POLR3G: variants seen among roughly 807,000 people sequenced by gnomAD.
The protein encoded by POLR3G is RNA polymerase III subunit G, also known as DNA-directed RNA polymerase III subunit RPC7.
In POLR3G, 28 loss-of-function variants were observed where a neutral mutation model predicts 30.1. That is an observed-to-expected ratio of 0.93 (90% CI 0.69 to 1.27). The LOEUF is 1.27. POLR3G is among the 50% of genes most tolerant of loss of function. The pLI, the probability that POLR3G is intolerant of heterozygous loss-of-function variation, is 0.00. For missense variants in POLR3G, 254 were observed against 264.6 expected (o/e 0.96, Z 0.28); for synonymous variants, 79 against 82.5 (o/e 0.96, Z 0.23).
At chr5:90,504,825 C>G (rs570153323) in intron 6 of POLR3G, among the ~76,000 whole-genome samples, 43 of 152,140 alleles carry the variant, frequency 2.8e-4, no homozygotes, top group African/African-American at 1.0e-3. Context: ...TGCAAAAGAT[C>G]CATAAGCACG....
chr5:90,489,927 G>C (rs1029878737), intron 3 of POLR3G, among the ~76,000 whole-genome samples: 9 of 151,966 alleles, frequency 5.9e-5, no homozygotes, highest in Admixed American at 5.9e-4. Context: ...GCCAACATGG[G>C]AAAACCCTGT....
In POLR3G at chr5:90,507,657, G is replaced by A. The variant is rs150345515; in HGVS notation, c.585+983G>A. On this transcript the variant is annotated intron_variant, in intron 7 of 7. Transcript: ENST00000651687. ...AAGTAGTAGAAGCTTCTGATTATTT[G>A]TTAATGTTGGTAGGGTATGTCTTCC... 3.2e-3 allele frequency among the ~76,000 whole-genome samples: 493 copies of A among 152,162 alleles called. 2 individuals carry two copies. Among genetic ancestry groups the A allele is most frequent in the African/African-American group, 0.011 (472 of 41,476 alleles).
At chr5:90,488,723 A>G (rs1751573761) in intron 3 of POLR3G, among the ~76,000 whole-genome samples, 1 of 152,054 alleles carries the variant, frequency 6.6e-6, no homozygotes, top group South Asian at 2.1e-4. Context: ...TGATTATTTA[A>G]TATTTAGGTT....
At chr5:90,481,626 A>T (rs1270100606) in intron 1 of POLR3G, among the ~76,000 whole-genome samples, 1 of 152,186 alleles carries the variant, frequency 6.6e-6, no homozygotes, top group East Asian at 1.9e-4. Context: ...TTTAAGAAGC[A>T]TTGTATAGGG....
intron 1 of POLR3G, among the ~76,000 whole-genome samples, chr5:90,481,306 A>G (rs1751111890): frequency 6.6e-6 from 1 of 151,836 alleles, no homozygotes; most frequent in African/African-American, 2.4e-5. Flanking sequence ...GGAAAGAGAG[A>G]GCATCCCTTT....
chr5:90,490,000 A>G (rs974114238), intron 3 of POLR3G, among the ~76,000 whole-genome samples: 1 of 152,092 alleles, frequency 6.6e-6, no homozygotes, highest in African/African-American at 2.4e-5. Flanking sequence ...CCAGCTACTC[A>G]GGAAGCTGAA....
intron 1 of POLR3G, among the ~76,000 whole-genome samples, chr5:90,477,746 G>A (rs756759666): frequency 6.6e-6 from 1 of 152,170 alleles, no homozygotes; most frequent in Non-Finnish European, 1.5e-5. Context: ...AGAATTGGAC[G>A]AAACGCGCAA....
intron 6 of POLR3G, among the ~76,000 whole-genome samples, chr5:90,505,052 A>G (rs1752421495): frequency 6.6e-6 from 1 of 152,154 alleles, no homozygotes; most frequent in Non-Finnish European, 1.5e-5. Flanking sequence ...TATCTAATGT[A>G]GTCTCTCTGT....
intron 7 of POLR3G, among the ~76,000 whole-genome samples, chr5:90,510,855 C>T (rs1752704231): frequency 6.7e-6 from 1 of 148,464 alleles, no homozygotes; most frequent in African/African-American, 2.5e-5. Flanking sequence ...TTAAAAATCC[C>T]ACTATCCAGA....
intron 5 of POLR3G, among the ~76,000 whole-genome samples, chr5:90,501,491 T>C (rs1328185928): frequency 6.6e-6 from 1 of 152,212 alleles, no homozygotes; most frequent in Non-Finnish European, 1.5e-5. Flanking sequence ...ACACACCTGC[T>C]AAGATTCCTC....
intron 2 of POLR3G, 108 bp downstream of exon 2, chr5:90,485,792 GAAAGTAA>G (rs753954549): frequency 8.5e-6 from 6 of 705,612 alleles, no homozygotes; most frequent in Non-Finnish European, 1.2e-5. Flanking sequence ...TCAAGTATAA[GAAAGTAA>G]AGGAGAGTGT....
chr5:90,492,776 G>T (rs1459501365), intron 3 of POLR3G, among the ~76,000 whole-genome samples: 1 of 147,602 alleles, frequency 6.8e-6, no homozygotes, highest in Non-Finnish European at 1.5e-5. Context: ...CAGCTACTCG[G>T]GAGACTGAGG....
Position 90,511,232 on chromosome 5 carries a change from TAAC to T in POLR3G, c.586-816_586-814del, listed in dbSNP as rs1285924606. Among the ~76,000 whole-genome samples, 3 of 152,212 alleles carry T rather than the reference TAAC, an allele frequency of 2.0e-5. No homozygotes were observed. In the East Asian group the frequency reaches 5.8e-4, roughly 29 times the overall value. On this transcript the variant is annotated intron_variant, in intron 7 of 7. Coordinates refer to ENST00000651687, the MANE Select transcript of POLR3G (RefSeq NM_006467.3). ...TATGGATTCAAAAATAAGGGCTCTT[TAAC>T]AACATCACTGTATCATTATAACACC...
intron 7 of POLR3G, among the ~76,000 whole-genome samples, chr5:90,509,979 T>C (rs1752660114): frequency 6.6e-6 from 1 of 152,226 alleles, no homozygotes; most frequent in Non-Finnish European, 1.5e-5. Context: ...TGAAAGCTTA[T>C]TGCTGTAAAC....
chr5:90,482,590 C>CAGCT (rs753078528), intron 1 of POLR3G, among the ~76,000 whole-genome samples: 14 of 152,186 alleles, frequency 9.2e-5, no homozygotes, highest in Non-Finnish European at 1.6e-4. Context: ...CGGAGTCATG[C>CAGCT]AGCTGGAGGC....
chr5:90,506,258 AAAT>A (rs773480557), intron 6 of POLR3G, among the ~76,000 whole-genome samples: 4 of 152,214 alleles, frequency 2.6e-5, no homozygotes, highest in Non-Finnish European at 4.4e-5. Flanking sequence ...AAATTATAAA[AAAT>A]AAAGCATTGT....
chr5:90,474,151 G>A (rs1324032427), upstream of POLR3G: 2 of 1,595,756 alleles, frequency 1.3e-6, no homozygotes, highest in East Asian at 2.3e-5. Flanking sequence ...CGCAGCCCCA[G>A]GCCTGTATCG....
At chr5:90,481,286 T>C (rs1424910243) in intron 1 of POLR3G, among the ~76,000 whole-genome samples, 2 of 150,302 alleles carry the variant, frequency 1.3e-5, no homozygotes, top group Non-Finnish European at 2.9e-5. Flanking sequence ...CATCTTGATG[T>C]AATAGAGAAG....
chr5:90,504,179 AT>A (rs11340729), intron 6 of POLR3G, among the ~76,000 whole-genome samples: 41,137 of 149,704 alleles, frequency 0.27, 6,923 homozygotes, highest in African/African-American at 0.49. Flanking sequence ...AAAGATGAGG[AT>A]TTTTTTTTTT....
Sources: gnomAD v4.1 joint callset for allele counts (sites outside exome capture counted in the v4.1 genomes callset) on GRCh38, gnomAD v4.1.1 for gene constraint, MANE v1.5 for transcripts, NCBI Gene and HGNC (gene_info 2026-07-23, HGNC 2026-07-21) for gene names.